GCM1: variants seen among roughly 807,000 people sequenced by gnomAD.
The protein encoded by GCM1 is GCM transcription factor 1, also known as chorion-specific transcription factor GCMa.
GCM1 carries 2 observed loss-of-function variants against 25.7 expected under a neutral mutation model. The ratio of observed to expected loss-of-function variants is 0.08; its 90% CI spans 0.03 to 0.24. The LOEUF is 0.24. GCM1 is among the 10% of genes least tolerant of loss of function. The pLI is 1.00. For synonymous variants in GCM1, 183 were observed against 195.7 expected (o/e 0.94, Z 0.54); for missense variants, 395 against 538.7 (o/e 0.73, Z 2.64).
At chr6:53,135,042 G>T (rs550302888) in intron 2 of GCM1, among the ~76,000 whole-genome samples, 33 of 152,338 alleles carry the variant, frequency 2.2e-4, no homozygotes, top group African/African-American at 7.9e-4. Context: ...AAGGGAGTAA[G>T]AAAGAGCTTG....
Position 53,145,537 on chromosome 6 carries a change from AT to A in GCM1, c.75+20del. ...CTTCACAGCCCAATGTTGAAGGCAG[AT>A]TTTTATAGCAAGTACATACCTGTGG... On this transcript the variant is annotated intron_variant, in intron 2 of 5. Coordinates refer to ENST00000259803, the MANE Select transcript of GCM1 (RefSeq NM_003643.4). 1 of 1,308,040 alleles carries A rather than the reference AT, an allele frequency of 7.6e-7. No homozygotes were observed. Among genetic ancestry groups the A allele is most frequent in the African/African-American group, 1.4e-5 (1 of 69,228 alleles). The allele number at this position is 1,308,040 out of a possible 1,614,324, so 81.0% of individuals were successfully genotyped here.
intron 2 of GCM1, among the ~76,000 whole-genome samples, chr6:53,143,639 A>G (rs1013342707): frequency 2.0e-5 from 3 of 152,188 alleles, no homozygotes; most frequent in South Asian, 2.1e-4. Flanking sequence ...AAGTTTCCCT[A>G]CAACAGTGAC....
chr6:53,138,231 G>A (rs938125504), intron 2 of GCM1, among the ~76,000 whole-genome samples: 2 of 146,684 alleles, frequency 1.4e-5, no homozygotes, highest in Admixed American at 6.9e-5. Flanking sequence ...GCAGTGAGCC[G>A]AGATCATGCC....
intron 1 of GCM1, among the ~76,000 whole-genome samples, chr6:53,146,183 A>G (rs904658266): frequency 6.9e-6 from 1 of 145,598 alleles, no homozygotes; most frequent in African/African-American, 2.5e-5. Context: ...CTAGGAAAAT[A>G]CATATATGTT....
At chr6:53,138,663 G>C (rs993859031) in intron 2 of GCM1, among the ~76,000 whole-genome samples, 1 of 152,086 alleles carries the variant, frequency 6.6e-6, no homozygotes, top group African/African-American at 2.4e-5. Context: ...GTAACTCTTT[G>C]TTTTTCCTCT....
chr6:53,147,057 G>GAATA (rs894237571), intron 1 of GCM1, among the ~76,000 whole-genome samples: 5 of 151,954 alleles, frequency 3.3e-5, no homozygotes, highest in South Asian at 2.1e-4. Context: ...ATGAATGAAT[G>GAATA]AATAAATAAA....
In GCM1 at chr6:53,128,932, T is replaced by G. The variant is rs138391063; in HGVS notation, c.585A>C (p.Glu195Asp). The G allele has an allele frequency of 3.7e-5, 59 of 1,613,382 alleles. No homozygotes were observed. The African/African-American group carries it at 7.1e-4, about 19-fold the overall frequency. Reference protein sequence around the residue: ...GSTETRSLPGETQSQGSLPLT... With the variant: ...GSTETRSLPGDTQSQGSLPLT... The stretch of plus-strand genomic sequence containing the variant: ...AAGGTAAACTCCCCTGACTTTGTGT[T>G]TCACCTGGAAGAGACTGGAAAGGAA... Residue 195 changes from glutamate to aspartate, a missense_variant, in exon 6 of 6, where the codon GAA becomes GAC. Around this residue, in one of 5 missense-constraint regions of GCM1, gnomAD observed 291 missense variants for 314.6 expected, o/e 0.92. Transcript: ENST00000259803.
rs1261366889 is a variant in GCM1, at chr6:53,127,984, G to C, written c.*222C>G. 2 of 303,494 alleles carry C rather than the reference G, an allele frequency of 6.6e-6. No homozygotes were observed. Among genetic ancestry groups the C allele is most frequent in the African/African-American group, 5.5e-5 (2 of 36,500 alleles). The allele number at this position is 303,494 out of a possible 1,614,324, so 18.8% of individuals were successfully genotyped here. A position where few individuals can be genotyped will look rare whatever the true frequency, so the allele number is the denominator to read the frequency against. On this transcript the variant is annotated 3_prime_UTR_variant, in exon 6 of 6. Transcript: ENST00000259803. The stretch of plus-strand genomic sequence containing the variant: ...GCAGAGGTTGCAGTGAGCCGAGATG[G>C]CGCCACTGCATTCCTGCCTGGGCAA...
chr6:53,128,607 C>T lies in GCM1; in HGVS notation c.910G>A (p.Gly304Arg). Residue 304 changes from glycine (G) to arginine (R), a missense_variant, in exon 6 of 6, where the codon GGG becomes AGG. Physicochemically the swap from Gly to Arg is moderately radical, Grantham distance 125. Transcript: ENST00000259803. ...LQAWSKNAAL[G>R]RNHLADNCYS... ...CAGTTGTCAGCAAGATGATTTCTCC[C>T]CAAAGCAGCATTTTTACTCCACGCT... 1 of 1,614,060 alleles carries T rather than the reference C, an allele frequency of 6.2e-7. No homozygotes were observed. The highest frequency in any genetic ancestry group is 8.5e-7 in the Non-Finnish European group (1 of 1,179,992).
chr6:53,145,799 A>C, intron 1 of GCM1, 31 bp from the exon 2 acceptor site: 2 of 514,304 alleles, frequency 3.9e-6, no homozygotes, highest in Non-Finnish European at 3.4e-6. Flanking sequence ...AGTATTGGCC[A>C]TTAAAGAGAT....
chr6:53,129,068 A>C (rs1763689400), intron 5 of GCM1, 122 bp from the exon 6 acceptor site: 1 of 744,192 alleles, frequency 1.3e-6, no homozygotes, highest in Non-Finnish European at 2.2e-6. Context: ...TTCCTTACAC[A>C]TTAATACTTG....
Position 53,128,693 on chromosome 6 carries a change from C to T in GCM1, c.824G>A (p.Ser275Asn), listed in dbSNP as rs781443217. 4.3e-6 allele frequency: 7 copies of T among 1,613,988 alleles called. No homozygotes were observed. The highest frequency in any genetic ancestry group is 1.7e-5 in the Admixed American group (1 of 60,006). The change falls in exon 6 of 6, where the codon AGT becomes AAT. Residue 275 changes from serine (S) to asparagine (N), a missense_variant. Transcript: ENST00000259803. ...AGAAGGAGGAAGCAGGTCTCCACTA[C>T]TGTAGGTTCTGCTACTGGACAATTT... ...KRKLSSSRTY[S>N]SGDLLPPSAS... is the part of the protein sequence containing the mutation.
At chr6:53,141,748 G>A (rs1041496121) in intron 2 of GCM1, among the ~76,000 whole-genome samples, 1 of 151,276 alleles carries the variant, frequency 6.6e-6, no homozygotes, top group East Asian at 1.9e-4. Flanking sequence ...TCATGCCTGT[G>A]ATCCTAGTAT....
At chr6:53,145,197 G>T (rs549855995) in intron 2 of GCM1, among the ~76,000 whole-genome samples, 1 of 152,318 alleles carries the variant, frequency 6.6e-6, no homozygotes, top group African/African-American at 2.4e-5. Flanking sequence ...AAATAAGGTT[G>T]TATGAGGACT....
At chr6:53,131,458 G>A (rs1763727385) in intron 4 of GCM1, among the ~76,000 whole-genome samples, 1 of 152,206 alleles carries the variant, frequency 6.6e-6, no homozygotes, top group South Asian at 2.1e-4. Context: ...GCCACGGTGA[G>A]AATATTTCCA....
chr6:53,129,939 G>A (rs1006618766), intron 5 of GCM1, among the ~76,000 whole-genome samples: 1 of 152,126 alleles, frequency 6.6e-6, no homozygotes, highest in East Asian at 1.9e-4. Flanking sequence ...TCTTGTTTAG[G>A]TAAAACTACT....
chr6:53,143,359 G>A (rs961846004), intron 2 of GCM1, among the ~76,000 whole-genome samples: 2 of 152,132 alleles, frequency 1.3e-5, no homozygotes, highest in African/African-American at 4.8e-5. Context: ...ATAGGAAAGA[G>A]GTCTTCATCT....
chr6:53,133,161 T>C (rs767890713), intron 3 of GCM1, among the ~76,000 whole-genome samples: 30 of 152,194 alleles, frequency 2.0e-4, no homozygotes, highest in Admixed American at 3.3e-4. Flanking sequence ...CATTAACCCC[T>C]GAAGGGATAC....
chr6:53,145,278 TGA>T (rs1324818450), intron 2 of GCM1, among the ~76,000 whole-genome samples: 1 of 152,140 alleles, frequency 6.6e-6, no homozygotes, highest in African/African-American at 2.4e-5. Context: ...CTAGCCAGAG[TGA>T]GTGCAACCTG....
Sources: allele counts gnomAD v4.1 joint callset (sites outside exome capture counted in the v4.1 genomes callset), GRCh38; gene constraint gnomAD v4.1.1; regional missense constraint gnomAD v4.1.1; transcripts MANE v1.5; gene names NCBI Gene and HGNC (gene_info 2026-07-23, HGNC 2026-07-21).